The following NAIP variants were observed in gnomAD, a reference collection of about 807,000 sequenced individuals.
NAIP encodes NLR family apoptosis inhibitory protein.
NAIP carries 15 observed loss-of-function variants against 23.0 expected under a neutral mutation model. That is an observed-to-expected ratio of 0.65 (90% CI 0.44 to 1.00). The LOEUF (loss-of-function observed/expected upper bound fraction) is 1.00, where lower values mean the gene tolerates loss of function less well. Ranked by LOEUF, NAIP falls within the 50% of genes least tolerant of loss-of-function variation. The pLI, the probability that NAIP is intolerant of heterozygous loss-of-function variation, is 0.00. For synonymous variants in NAIP, 100 were observed against 100.2 expected, an observed-to-expected ratio of 1.00 and a Z score of 0.01; for missense variants, 265 against 278.8, an observed-to-expected ratio of 0.95 and a Z score of 0.35.
At chr5:71,009,552 G>A (rs1287403159) in intron 5 of NAIP, among the ~76,000 whole-genome samples, 5 of 151,062 alleles carry the variant, frequency 3.3e-5, no homozygotes, top group South Asian at 2.1e-4. Context: ...TTAGCCAGGT[G>A]TGGTGGTGCA....
chr5:71,014,194 T>C (rs1292281313), intron 3 of NAIP, among the ~76,000 whole-genome samples: 1 of 149,734 alleles, frequency 6.7e-6, no homozygotes, highest in Non-Finnish European at 1.5e-5. Flanking sequence ...GCCTCCTGGG[T>C]TCAAGCAATT....
chr5:71,009,419 G>A (rs148845991), intron 5 of NAIP, among the ~76,000 whole-genome samples: 2 of 150,028 alleles, frequency 1.3e-5, no homozygotes, highest in African/African-American at 4.9e-5. Context: ...GTCAGGCACA[G>A]GTGGCTCATG....
Position 71,012,884 on chromosome 5 carries a change from C to T in NAIP, c.32G>A (p.Arg11Lys). The T allele has an allele frequency of 6.2e-7, 1 of 1,606,674 alleles. No homozygotes were observed. Among genetic ancestry groups the T allele is most frequent in the Non-Finnish European group, 8.5e-7 (1 of 1,176,388 alleles). Residue 11 changes from arginine to lysine, a missense_variant, in exon 4 of 17, where the codon AGG becomes AAG. Arg to Lys is a conservative substitution (Grantham distance 26). This residue lies in a region of NAIP where 261 missense variants were observed against 259.2 expected (regional missense o/e 1.01). Coordinates refer to ENST00000517649, the MANE Select transcript of NAIP (RefSeq NM_004536.3). MATQQKASDE[R>K]ISQFDHNLLP... ...CAAATTGTGATCAAACTGGGAGATC[C>T]TCTCGTCAGAGGCTTTCTGCTGGGT...
intron 4 of NAIP, among the ~76,000 whole-genome samples, chr5:71,011,991 T>C (rs1751180952): frequency 6.6e-6 from 1 of 151,280 alleles, no homozygotes; most frequent in Admixed American, 6.6e-5. Context: ...CAAAGAAAGA[T>C]CATGTAAGAG....
rs369240054 is a variant in NAIP, at chr5:71,012,889, G to A, written c.27C>T (p.Asp9=). Residue 9 remains aspartate (D), a synonymous_variant, in exon 4 of 17, where the codon GAC becomes GAT. Coordinates refer to ENST00000517649, the MANE Select transcript of NAIP (RefSeq NM_004536.3). ...TGTGATCAAACTGGGAGATCCTCTC[G>A]TCAGAGGCTTTCTGCTGGGTGGCCA... MATQQKAS[D]ERISQFDHNL... 7.2e-5 allele frequency: 115 copies of A among 1,599,670 alleles called. 5 individuals carry two copies. The highest frequency in any genetic ancestry group is 2.0e-4 in the African/African-American group (15 of 74,106).
At chr5:70,977,617 A>G (rs1190076801) in intron 13 of NAIP, among the ~76,000 whole-genome samples, 6 of 107,148 alleles carry the variant, frequency 5.6e-5, no homozygotes, top group African/African-American at 2.2e-4. Flanking sequence ...GTGAGTGGAT[A>G]TTGCGCCACC....
rs1320077225 is a variant in NAIP, at chr5:70,979,592, ATAATAAT to A, written c.3442+270_3442+276del. On this transcript the variant is annotated intron_variant, in intron 13 of 16. Transcript: ENST00000517649. ...TGTCTCAAAAAAAAAAAAAATAATAATAATAATAATAATAATAATAGTACTTCATAGA... is the reference window on the plus strand; with the variant it reads ...TGTCTCAAAAAAAAAAAAAATAATAAAATAATAATAATAGTACTTCATAGA... 7.5e-5 allele frequency among the ~76,000 whole-genome samples: 5 copies of A among 66,706 alleles called. 2 individuals are homozygous for A. Among genetic ancestry groups the A allele is most frequent in the African/African-American group, 1.3e-4 (2 of 15,678 alleles). The allele number at this position is 66,706 out of a possible 152,430, so 43.8% of individuals were successfully genotyped here. A position where few individuals can be genotyped will look rare whatever the true frequency, so the allele number is the denominator to read the frequency against.
intron 5 of NAIP, 96 bp downstream of exon 5, chr5:71,011,179 G>T (rs1487195809): frequency 2.2e-6 from 2 of 889,614 alleles, no homozygotes; most frequent in African/African-American, 1.7e-5. Context: ...TTTGCACCGA[G>T]CTGAAGTCAT....
Position 71,010,257 on chromosome 5 carries a change from G to A in NAIP, c.668+1018C>T, listed in dbSNP as rs954823249. On this transcript the variant is annotated intron_variant, in intron 5 of 16. Transcript: ENST00000517649. ...CAAGTAGCTAGGACTGCAGGTACAC[G>A]CCACCATGCCTGGCTAACTTTTTTT... 5.3e-5 allele frequency among the ~76,000 whole-genome samples: 8 copies of A among 150,382 alleles called. No individual in the cohort carries two copies. The East Asian group carries it at 9.7e-4, about 18-fold the overall frequency.
At chr5:71,017,846 C>CT (rs1173570781) in intron 3 of NAIP, among the ~76,000 whole-genome samples, 7,700 of 91,448 alleles carry the variant, frequency 0.084, 668 homozygotes, top group African/African-American at 0.22. Context: ...CAGCCCTTTC[C>CT]TTTTTTTTTT....
chr5:71,011,709 T>C, intron 4 of NAIP: 1 of 454,236 alleles, frequency 2.2e-6, no homozygotes. Context: ...TTAGAAAACC[T>C]ACGTTTTAGC....
At position 70,979,646 on chromosome 5, in the gene NAIP, A is replaced by G. The variant is rs1236606864; in HGVS notation, c.3442+223T>C. 4.1e-5 allele frequency among the ~76,000 whole-genome samples: 5 copies of G among 120,538 alleles called. No individual in the cohort carries two copies. The Admixed American group carries it at 4.3e-4, about 10-fold the overall frequency. 79.1% of individuals were successfully genotyped at this position (120,538 alleles called of 152,430 possible). A position where few individuals can be genotyped will look rare whatever the true frequency, so the allele number is the denominator to read the frequency against. On this transcript the variant is annotated intron_variant, in intron 13 of 16. Transcript: ENST00000517649. ...TAGAGTGGGTATGAAGACTGAGTTC[A>G]TATTTGTGAAGTGCTTAGGATACTT...
At position 71,012,439 on chromosome 5, in the gene NAIP, C is replaced by T; in HGVS notation, c.477G>A (p.Glu159=). The T allele has an allele frequency of 6.2e-7, 1 of 1,611,632 alleles. No homozygotes were observed. The highest frequency in any genetic ancestry group is 8.5e-7 in the Non-Finnish European group (1 of 1,178,322). ...TCCTGAAGGACGCAAGTCTAGCCTC[C>T]TCTTCTTGGTACCTCATTTTACCTC... ...LRGGKMRYQE[E]EARLASFRNW... Residue 159 remains glutamate (E), a synonymous_variant, in exon 4 of 17, where the codon GAG becomes GAA. Transcript: ENST00000517649.
intron 5 of NAIP, among the ~76,000 whole-genome samples, chr5:71,007,420 CTTTCT>C (rs1335533438): frequency 1.4e-5 from 1 of 70,694 alleles, no homozygotes; most frequent in Admixed American, 1.7e-4. Context: ...AATCTCCTCA[CTTTCT>C]TTTCAACTAT....
intron 6 of NAIP, among the ~76,000 whole-genome samples, 200 bp from the exon 7 acceptor site, chr5:71,002,343 C>T (rs1393679141): frequency 2.3e-5 from 2 of 88,836 alleles, no homozygotes; most frequent in South Asian, 3.9e-4. Flanking sequence ...CCACCACACC[C>T]GGCTAATTTT....
intron 5 of NAIP, among the ~76,000 whole-genome samples, chr5:71,010,625 T>C (rs1163692580): frequency 6.6e-6 from 1 of 151,280 alleles, no homozygotes; most frequent in African/African-American, 2.4e-5. Flanking sequence ...CTCAAACTCC[T>C]GATTTCAAGC....
chr5:71,014,422 C>CCT (rs1561519383), intron 3 of NAIP, among the ~76,000 whole-genome samples: 1 of 151,502 alleles, frequency 6.6e-6, no homozygotes, highest in Non-Finnish European at 1.5e-5. Context: ...ACCGGGATTA[C>CCT]AGACGTGAGC....
intron 12 of NAIP, among the ~76,000 whole-genome samples, chr5:70,980,584 GAAAA>G (rs1750510192): frequency 2.7e-5 from 1 of 36,760 alleles, no homozygotes; most frequent in Non-Finnish European, 5.5e-5. Flanking sequence ...AAAAAGAAGA[GAAAA>G]GAAATATAGC....
At chr5:70,979,583 A>T (rs1307170573) in intron 13 of NAIP, among the ~76,000 whole-genome samples, 2 of 47,924 alleles carry the variant, frequency 4.2e-5, no homozygotes, top group African/African-American at 1.9e-4. Flanking sequence ...AAAAAAAAAA[A>T]AAATAATAAT....
Sources: gnomAD v4.1 joint callset for allele counts (sites outside exome capture counted in the v4.1 genomes callset) on GRCh38, gnomAD v4.1.1 for gene constraint, gnomAD v4.1.1 regional missense constraint, MANE v1.5 for transcripts, NCBI Gene and HGNC (gene_info 2026-07-23, HGNC 2026-07-21) for gene names.